CFTR: variants seen among roughly 807,000 people sequenced by gnomAD.
The protein encoded by CFTR is cystic fibrosis transmembrane conductance regulator.
A neutral mutation model predicts 171.6 loss-of-function variants in CFTR; 181 were observed. That is an observed-to-expected ratio of 1.05 (90% confidence interval 0.93 to 1.19). CFTR has a LOEUF of 1.19. CFTR is among the 50% of genes most tolerant of loss of function. CFTR has a pLI of 0.00. For synonymous variants in CFTR, 583 were observed against 608.0 expected (o/e 0.96, Z 0.60); for missense variants, 1,968 against 1,734.7 (o/e 1.13, Z -2.39).
At position 117,665,584 on chromosome 7, in the gene CFTR, C is replaced by G. The variant is rs1229413013; in HGVS notation, c.4242+20C>G. The G allele has an allele frequency of 7.1e-7, 1 of 1,402,526 alleles. No homozygotes were observed. 86.9% of individuals were successfully genotyped at this position (1,402,526 alleles called of 1,614,324 possible). A position where few individuals can be genotyped will look rare whatever the true frequency, so the allele number is the denominator to read the frequency against. ...TTTTTGGTGAGTCTTTATAACTTTA[C>G]TTAAGATCTCATTGCCCTTGTAATT... On this transcript the variant is annotated intron_variant, in intron 26 of 26. Transcript: ENST00000003084.
chr7:117,561,626 A>C (rs1799466296), intron 11 of CFTR, among the ~76,000 whole-genome samples: 1 of 152,184 alleles, frequency 6.6e-6, no homozygotes, highest in South Asian at 2.1e-4. Flanking sequence ...AGGAATCATC[A>C]TTCAGCAAAT....
At chr7:117,513,371 A>G (rs2116647405) in intron 3 of CFTR, among the ~76,000 whole-genome samples, 1 of 151,724 alleles carries the variant, frequency 6.6e-6, no homozygotes, top group Non-Finnish European at 1.5e-5. Context: ...CAGAGAAAAT[A>G]GATGGAGAAT....
intron 22 of CFTR, among the ~76,000 whole-genome samples, chr7:117,634,277 C>G (rs1465317671): frequency 6.6e-6 from 1 of 152,048 alleles, no homozygotes; most frequent in African/African-American, 2.4e-5. Flanking sequence ...TAGAGTTATT[C>G]ATAGTATTCT....
intron 1 of CFTR, among the ~76,000 whole-genome samples, chr7:117,492,167 G>A (rs34558486): frequency 0.015 from 2,238 of 152,066 alleles, 57 homozygotes; most frequent in African/African-American, 0.051. Context: ...TTTTGATAAT[G>A]GAGAAGGTTG....
At chr7:117,509,205 A>T (rs1167117868) in intron 3 of CFTR, 63 bp downstream of exon 3, 7 of 1,024,788 alleles carry the variant, frequency 6.8e-6, no homozygotes, top group Non-Finnish European at 9.3e-6. Context: ...TGTGATTATG[A>T]AAAGACTACG....
chr7:117,629,855 C>A (rs35504264), intron 22 of CFTR, among the ~76,000 whole-genome samples: 5,550 of 152,244 alleles, frequency 0.036, 139 homozygotes, highest in African/African-American at 0.047. Context: ...TTTGCTATTA[C>A]ATTTGATCTT....
At chr7:117,518,992 T>C (rs1295594549) in intron 3 of CFTR, among the ~76,000 whole-genome samples, 1 of 152,140 alleles carries the variant, frequency 6.6e-6, no homozygotes, top group African/African-American at 2.4e-5. Context: ...TTTCAGCAAA[T>C]CCAGGGGCTT....
rs10655920 is a variant in CFTR, at chr7:117,558,553, CTAAA to C, written c.1393-878_1393-875del. ...TGGGTGACAGAGTGAGACTCTGTCT[CTAAA>C]TAAATAAATAAATAAATAAATAAAT... On this transcript the variant is annotated intron_variant, in intron 10 of 26. Transcript: ENST00000003084. 2.4e-3 allele frequency among the ~76,000 whole-genome samples: 353 copies of C among 145,286 alleles called. 1 individual carries two copies. The highest frequency in any genetic ancestry group is 0.02 in the South Asian group (87 of 4,456).
chr7:117,653,652 G>A (rs1275688894), intron 24 of CFTR, among the ~76,000 whole-genome samples: 1 of 152,112 alleles, frequency 6.6e-6, no homozygotes, highest in Non-Finnish European at 1.5e-5. Context: ...TTAGACCATA[G>A]CATTTCACTC....
chr7:117,642,464 A>G lies in CFTR; in HGVS notation c.3744A>G (p.Ser1248=). The G allele has an allele frequency of 1.9e-6, 3 of 1,613,678 alleles. No individual in the cohort carries two copies. The highest frequency in any genetic ancestry group is 2.5e-6 in the Non-Finnish European group (3 of 1,179,670). The change falls in exon 23 of 27, where the codon TCA becomes TCG. Residue 1248 remains serine (S), a synonymous_variant. Coordinates refer to ENST00000003084, the MANE Select transcript of CFTR (RefSeq NM_000492.4). ...TGGGCCTCTTGGGAAGAACTGGATC[A>G]GGGAAGAGTACTTTGTTATCAGCTT... ...QRVGLLGRTG[S]GKSTLLSAFL...
chr7:117,528,411 C>T (rs1199293139), intron 3 of CFTR, among the ~76,000 whole-genome samples: 1 of 116,362 alleles, frequency 8.6e-6, no homozygotes, highest in Non-Finnish European at 1.8e-5. Flanking sequence ...CCATAAAAAC[C>T]CTAGAAGAAA....
chr7:117,523,294 T>C (rs1205455143), intron 3 of CFTR, among the ~76,000 whole-genome samples: 1 of 152,080 alleles, frequency 6.6e-6, no homozygotes, highest in Non-Finnish European at 1.5e-5. Context: ...TGTAGTGTGT[T>C]GTGATGGCAC....
chr7:117,495,840 C>T (rs1712592661), intron 1 of CFTR, among the ~76,000 whole-genome samples: 1 of 152,170 alleles, frequency 6.6e-6, no homozygotes, highest in Non-Finnish European at 1.5e-5. Context: ...CAGTTGATTT[C>T]TGTATACTGT....
At chr7:117,517,921 G>T (rs1209814428) in intron 3 of CFTR, among the ~76,000 whole-genome samples, 1 of 152,066 alleles carries the variant, frequency 6.6e-6, no homozygotes, top group African/African-American at 2.4e-5. Flanking sequence ...CTGTAAATTT[G>T]TTTAAGTTCC....
intron 1 of CFTR, among the ~76,000 whole-genome samples, chr7:117,481,067 T>C (rs1437319372): frequency 6.6e-6 from 1 of 152,206 alleles, no homozygotes; most frequent in Non-Finnish European, 1.5e-5. Flanking sequence ...ATCAAAAAAG[T>C]CAAATATGTT....
Position 117,655,598 on chromosome 7 carries a change from T to A in CFTR, c.3963+2667T>A, listed in dbSNP as rs576502373. 3.9e-5 allele frequency among the ~76,000 whole-genome samples: 6 copies of A among 152,292 alleles called. No homozygotes were observed. In the South Asian group the frequency reaches 1.2e-3, roughly 32 times the overall value. On this transcript the variant is annotated intron_variant, in intron 24 of 26. Coordinates refer to ENST00000003084, the MANE Select transcript of CFTR (RefSeq NM_000492.4). The stretch of plus-strand genomic sequence containing the variant: ...ATTGTCCATTCACAGCAATGTAGGC[T>A]TTTTCTAGCATGTACCTGAAAACTC...
At chr7:117,602,940 T>C in intron 16 of CFTR, 77 bp downstream of exon 16, 2 of 1,246,678 alleles carry the variant, frequency 1.6e-6, no homozygotes, top group Non-Finnish European at 2.4e-6. Context: ...TATGTTTGTA[T>C]GTATTGTAAT....
chr7:117,644,698 G>A (rs1410255782), intron 23 of CFTR, among the ~76,000 whole-genome samples: 1 of 152,140 alleles, frequency 6.6e-6, no homozygotes, highest in Non-Finnish European at 1.5e-5. Flanking sequence ...GTCCTTGCAG[G>A]TGTTTTGTTT....
intron 3 of CFTR, among the ~76,000 whole-genome samples, chr7:117,509,450 C>T (rs191444447): frequency 6.6e-6 from 1 of 151,994 alleles, no homozygotes. Context: ...ATTACTGGTG[C>T]CTTTATTTTG....
Sources: gnomAD v4.1 joint callset for allele counts (sites outside exome capture counted in the v4.1 genomes callset) on GRCh38, gnomAD v4.1.1 for gene constraint, MANE v1.5 for transcripts, NCBI Gene and HGNC (gene_info 2026-07-23, HGNC 2026-07-21) for gene names.